KNTC1: variants seen among roughly 807,000 people sequenced by gnomAD.
KNTC1 encodes kinetochore associated 1.
Under a neutral mutation model 314.4 loss-of-function variants are expected in KNTC1, and 253 were observed. The observed-to-expected ratio is 0.80, with a 90% confidence interval of 0.73 to 0.89. The LOEUF (loss-of-function observed/expected upper bound fraction) is 0.89. Ranked by LOEUF, KNTC1 falls within the 40% of genes least tolerant of loss-of-function variation. The pLI, the probability that KNTC1 is intolerant of heterozygous loss-of-function variation, is 0.00. For synonymous variants in KNTC1, 901 were observed against 901.4 expected, an observed-to-expected ratio of 1.00 and a Z score of 0.01; for missense variants, 2,475 against 2,572.9, an observed-to-expected ratio of 0.96 and a Z score of 0.82.
intron 20 of KNTC1, among the ~76,000 whole-genome samples, chr12:122,565,664 A>T (rs1231879539): frequency 3.3e-5 from 5 of 151,960 alleles, no homozygotes; most frequent in Non-Finnish European, 7.4e-5. Context: ...AGGTAGGCGG[A>T]TCGCTTCCCA....
chr12:122,541,982 T>G, intron 5 of KNTC1, 68 bp from the exon 6 acceptor site: 1 of 1,425,268 alleles, frequency 7.0e-7, no homozygotes, highest in Non-Finnish European at 9.3e-7. Flanking sequence ...GCTGCTGCAC[T>G]CCAGCCTAGC....
At chr12:122,618,589 G>C (rs1874051631) in intron 59 of KNTC1, 44 bp downstream of exon 59, 1 of 1,414,486 alleles carries the variant, frequency 7.1e-7, no homozygotes, top group African/African-American at 1.4e-5. Flanking sequence ...AAAGTTTGTT[G>C]CTTATAAGAT....
intron 48 of KNTC1, 27 bp from the exon 49 acceptor site, chr12:122,604,533 CTTTA>C (rs199552454): frequency 1.5e-4 from 176 of 1,173,586 alleles, no homozygotes; most frequent in South Asian, 2.7e-4. Context: ...GCCTGTAAAT[CTTTA>C]TTTATTTATT....
intron 55 of KNTC1, among the ~76,000 whole-genome samples, chr12:122,614,297 T>C (rs556008848): frequency 6.6e-6 from 1 of 152,220 alleles, no homozygotes; most frequent in East Asian, 1.9e-4. Flanking sequence ...ACTTTTATAA[T>C]CTCTTCCACG....
Position 122,539,744 on chromosome 12 carries a change from T to G in KNTC1, c.435T>G (p.Gly145=). Residue 145 remains glycine (G), a synonymous_variant, in exon 5 of 64, where the codon GGT becomes GGG. Transcript: ENST00000333479. ...TYQNLVIEKD[G]SNEGTYYMLL... ...AGAATCTTGTCATTGAGAAGGATGG[T>G]TCAAATGAAGGTAAGTTTTCCTGAA... The G allele has an allele frequency of 6.4e-7, 1 of 1,552,148 alleles. No individual in the cohort carries two copies. Among genetic ancestry groups the G allele is most frequent in the Non-Finnish European group, 8.7e-7 (1 of 1,150,284 alleles).
At chr12:122,528,588 G>A (rs1960996254) in intron 1 of KNTC1, among the ~76,000 whole-genome samples, 1 of 152,144 alleles carries the variant, frequency 6.6e-6, no homozygotes, top group Non-Finnish European at 1.5e-5. Context: ...CTTCAGGTGG[G>A]TACAACTAAA....
intron 20 of KNTC1, among the ~76,000 whole-genome samples, chr12:122,564,759 A>G (rs1331122805): frequency 1.3e-5 from 2 of 152,226 alleles, no homozygotes; most frequent in Non-Finnish European, 2.9e-5. Context: ...GGCGTGAGGT[A>G]CCACGCCCAG....
chr12:122,615,204 C>G, intron 56 of KNTC1, 118 bp downstream of exon 56: 1 of 807,296 alleles, frequency 1.2e-6, no homozygotes, highest in Non-Finnish European at 2.0e-6. Context: ...CACAGTCACT[C>G]TCACTGAGCT....
rs546609280 is a variant in KNTC1, at chr12:122,586,510, A to G, written c.3674-191A>G. Among the ~76,000 whole-genome samples, 3 of 152,300 alleles carry G rather than the reference A, an allele frequency of 2.0e-5. 1 individual carries two copies. The highest frequency in any genetic ancestry group is 7.2e-5 in the African/African-American group (3 of 41,560). On this transcript the variant is annotated intron_variant, in intron 37 of 63. Transcript: ENST00000333479. ...ATCAGTTCGCTTTAGAACTTTTTTT[A>G]TAATAGTGAAATATTTACACATCTG...
At chr12:122,541,951 G>GT in intron 5 of KNTC1, 99 bp from the exon 6 acceptor site, 2 of 1,206,784 alleles carry the variant, frequency 1.7e-6, no homozygotes, top group Non-Finnish European at 2.2e-6. Context: ...AGAGGCGGAG[G>GT]TTGCAGGGAG....
intron 26 of KNTC1, 98 bp from the exon 27 acceptor site, chr12:122,574,184 C>A: frequency 1.6e-6 from 1 of 624,046 alleles, no homozygotes; most frequent in Non-Finnish European, 2.7e-6. Flanking sequence ...TTTAACACAT[C>A]TATCAAGGCC....
chr12:122,605,606 C>T (rs113619716), intron 51 of KNTC1, among the ~76,000 whole-genome samples, 191 bp downstream of exon 51: 2 of 152,168 alleles, frequency 1.3e-5, no homozygotes, highest in South Asian at 4.1e-4. Flanking sequence ...AGTGTAATGG[C>T]GCGGTCTCGG....
At chr12:122,549,719 A>G (rs1296788261) in intron 12 of KNTC1, 47 bp from the exon 13 acceptor site, 19 of 928,382 alleles carry the variant, frequency 2.0e-5, no homozygotes, top group Middle Eastern at 2.8e-4. Flanking sequence ...TTGTACTTGC[A>G]TGTTTAAATT....
intron 5 of KNTC1, among the ~76,000 whole-genome samples, chr12:122,539,978 C>T (rs1240036810): frequency 6.6e-6 from 1 of 151,334 alleles, no homozygotes; most frequent in Non-Finnish European, 1.5e-5. Flanking sequence ...TGGAGTTTCA[C>T]CATGTTGGCC....
At chr12:122,528,966 CT>C (rs1961072860) in intron 1 of KNTC1, among the ~76,000 whole-genome samples, 2 of 152,136 alleles carry the variant, frequency 1.3e-5, no homozygotes, top group African/African-American at 4.8e-5. Flanking sequence ...CCTCAGCCTC[CT>C]GAGTAGCTGG....
rs1555222321 is a variant in KNTC1 at position 122,541,287 on chromosome 12, GCCTTCCTT to G, written c.446-732_446-725del. Among the ~76,000 whole-genome samples the G allele has an allele frequency of 1.9e-3, 232 of 120,988 alleles. 3 individuals are homozygous for G. In the South Asian group the frequency reaches 0.029, roughly 15 times the overall value. 79.4% of individuals were successfully genotyped at this position (120,988 alleles called of 152,430 possible). ...TGCCTGCCTGCCTGCCTGCCTGCCT[GCCTTCCTT>G]CCTTCCTTCCTTCCTTCCTTCCTTC... On this transcript the variant is annotated intron_variant, in intron 5 of 63. Transcript: ENST00000333479.
rs771286904 is a variant in KNTC1, at chr12:122,597,772, T to C, written c.4397T>C (p.Ile1466Thr). 9 of 1,613,876 alleles carry C rather than the reference T, an allele frequency of 5.6e-6. No homozygotes were observed. Among genetic ancestry groups the C allele is most frequent in the South Asian group, 1.1e-5 (1 of 91,084 alleles). Residue 1466 changes from isoleucine to threonine, a missense_variant, in exon 44 of 64, where the codon ATT (isoleucine) becomes ACT (threonine). Transcript: ENST00000333479. The stretch of plus-strand genomic sequence containing the variant: ...TGCGATGCAGTTCTTCAGCTCTTCA[T>C]TGAAACGCTGCTCCACAACACAAAT... Reference protein sequence around the residue: ...LDCDAVLQLFIETLLHNTNAG... With the variant: ...LDCDAVLQLFTETLLHNTNAG...
At chr12:122,561,172 A>T (rs1410841276) in intron 18 of KNTC1, among the ~76,000 whole-genome samples, 1 of 151,954 alleles carries the variant, frequency 6.6e-6, no homozygotes, top group East Asian at 1.9e-4. Context: ...ATAATTAGCC[A>T]GGCCTGGTGG....
intron 42 of KNTC1, among the ~76,000 whole-genome samples, chr12:122,592,647 CTG>C (rs767385000): frequency 6.6e-5 from 10 of 152,150 alleles, no homozygotes; most frequent in Non-Finnish European, 1.0e-4. Context: ...TGTCAAAACT[CTG>C]TATCTAACTA....
Sources: allele counts gnomAD v4.1 joint callset (sites outside exome capture counted in the v4.1 genomes callset), GRCh38; gene constraint gnomAD v4.1.1; transcripts MANE v1.5; gene names NCBI Gene and HGNC (gene_info 2026-07-23, HGNC 2026-07-21).